Variants in EFL1 observed in about 807,000 individuals in gnomAD.
EFL1 encodes the protein elongation factor like GTPase 1, also known as elongation factor-like GTPase 1.
EFL1 carries 76 observed loss-of-function variants against 126.7 expected under a neutral mutation model. The ratio of observed to expected loss-of-function variants is 0.60; its 90% CI spans 0.50 to 0.73. EFL1 has a LOEUF of 0.73. Among genes scored for constraint, EFL1 ranks in the 30% least tolerant of loss-of-function variants. The probability of loss-of-function intolerance (pLI) is 0.00; values close to 1 mark genes in which losing one functional copy is unlikely to be tolerated. For synonymous variants in EFL1, 410 were observed against 448.4 expected (o/e 0.91, Z 1.08); for missense variants, 1,128 against 1,343.2 (o/e 0.84, Z 2.50).
chr15:82,203,937 C>T (rs1443072005), intron 15 of EFL1, among the ~76,000 whole-genome samples: 1 of 152,096 alleles, frequency 6.6e-6, no homozygotes, highest in East Asian at 1.9e-4. Flanking sequence ...ACTTAAAGCT[C>T]CTCTAAGATA....
intron 19 of EFL1, among the ~76,000 whole-genome samples, chr15:82,136,070 T>C (rs1414142414): frequency 6.6e-6 from 1 of 151,944 alleles, no homozygotes; most frequent in Admixed American, 6.6e-5. Context: ...CTAATATATC[T>C]GACAACTAAG....
chr15:82,163,374 C>T (rs750832328), intron 16 of EFL1, among the ~76,000 whole-genome samples: 9 of 152,134 alleles, frequency 5.9e-5, no homozygotes, highest in South Asian at 2.1e-4. Context: ...AACCCCGTAT[C>T]TACTAAAAAT....
intron 4 of EFL1, among the ~76,000 whole-genome samples, chr15:82,245,808 G>A (rs1387710769): frequency 4.6e-5 from 7 of 151,870 alleles, no homozygotes; most frequent in Non-Finnish European, 8.8e-5. Context: ...GGTGGCACAT[G>A]CCTGCAGTAT....
chr15:82,202,207 T>G (rs1053925312), intron 15 of EFL1, among the ~76,000 whole-genome samples: 2 of 152,232 alleles, frequency 1.3e-5, no homozygotes, highest in African/African-American at 4.8e-5. Flanking sequence ...CATATATTGC[T>G]GGACGACGTC....
chr15:82,130,863 A>C (rs28479183), intron 19 of EFL1, among the ~76,000 whole-genome samples: 13,340 of 143,146 alleles, frequency 0.093, 816 homozygotes, highest in East Asian at 0.34. Flanking sequence ...ACAACAACAA[A>C]AATTAGCTGG....
intron 15 of EFL1, among the ~76,000 whole-genome samples, chr15:82,181,816 T>G (rs1440205975): frequency 6.6e-6 from 1 of 152,178 alleles, no homozygotes; most frequent in Non-Finnish European, 1.5e-5. Flanking sequence ...TAGTTTTACT[T>G]TCTGGCATAA....
intron 16 of EFL1, 94 bp downstream of exon 16, chr15:82,163,759 T>C: frequency 7.0e-7 from 1 of 1,430,522 alleles, no homozygotes; most frequent in Non-Finnish European, 9.4e-7. Flanking sequence ...CATTATATAC[T>C]GCTGAAACAA....
At chr15:82,250,347 T>C (rs2075010242) in intron 4 of EFL1, among the ~76,000 whole-genome samples, 1 of 112,728 alleles carries the variant, frequency 8.9e-6, no homozygotes, top group African/African-American at 3.5e-5. Context: ...AGAAACATGT[T>C]TGACACTTTG....
chr15:82,145,443 A>G (rs919357014), intron 18 of EFL1, among the ~76,000 whole-genome samples: 1 of 152,056 alleles, frequency 6.6e-6, no homozygotes, highest in Non-Finnish European at 1.5e-5. Context: ...TACTCCATAA[A>G]TATACCTACT....
chr15:82,251,343 C>G (rs1244175259), intron 4 of EFL1, among the ~76,000 whole-genome samples: 2 of 152,174 alleles, frequency 1.3e-5, no homozygotes, highest in Non-Finnish European at 2.9e-5. Context: ...TCCTACAATA[C>G]TACACCAGAA....
In EFL1 at chr15:82,131,877, C is replaced by T. The variant is rs140074301; in HGVS notation, c.3175-1316G>A. 2.7e-3 allele frequency among the ~76,000 whole-genome samples: 407 copies of T among 152,050 alleles called. 2 individuals carry two copies. Among genetic ancestry groups the T allele is most frequent in the South Asian group, 0.015 (72 of 4,810 alleles). On this transcript the variant is annotated intron_variant, in intron 19 of 19. Coordinates refer to ENST00000268206, the MANE Select transcript of EFL1 (RefSeq NM_024580.6). ...TAAAAAGAGAGACTTAAAGAAATTT[C>T]CCTGAATACAGAATACGGCACAGAG...
At chr15:82,183,783 T>C (rs1331667401) in intron 15 of EFL1, among the ~76,000 whole-genome samples, 5 of 152,232 alleles carry the variant, frequency 3.3e-5, no homozygotes, top group Non-Finnish European at 7.3e-5. Context: ...TAGGGAGTTA[T>C]TGAAGCCAGC....
intron 15 of EFL1, among the ~76,000 whole-genome samples, chr15:82,174,053 G>T (rs1290101272): frequency 6.6e-6 from 1 of 152,150 alleles, no homozygotes; most frequent in East Asian, 1.9e-4. Context: ...GCCGGAGGTG[G>T]TGGCGGAAGC....
chr15:82,258,214 C>T (rs2075082858), intron 3 of EFL1, among the ~76,000 whole-genome samples: 1 of 152,104 alleles, frequency 6.6e-6, no homozygotes, highest in Non-Finnish European at 1.5e-5. Context: ...TATTCCAAGC[C>T]CTTTCAACTC....
intron 15 of EFL1, among the ~76,000 whole-genome samples, chr15:82,175,298 T>C: frequency 6.6e-6 from 1 of 152,182 alleles, no homozygotes; most frequent in East Asian, 1.9e-4. Context: ...TAGGCAAAAG[T>C]AACAATATTA....
intron 9 of EFL1, among the ~76,000 whole-genome samples, 153 bp from the exon 10 acceptor site, chr15:82,228,480 G>A (rs577998147): frequency 6.6e-6 from 1 of 152,214 alleles, no homozygotes; most frequent in African/African-American, 2.4e-5. Context: ...GCCACACAAG[G>A]GGCCTCCCCA....
rs1482143448 is a variant in EFL1 at position 82,220,187 on chromosome 15, T to C, written c.1335A>G (p.Ala445=). The part of the protein sequence containing the change: ...QEEIAQRRER[A]RQRHAEKLAA... ...CAAGCTTCTCTGCATGCCTTTGTCTTGCACGCTCACGTCTCTGAGCAATTT... is the reference window on the plus strand; with the variant it reads ...CAAGCTTCTCTGCATGCCTTTGTCTCGCACGCTCACGTCTCTGAGCAATTT... Residue 445 remains alanine (A), a synonymous_variant, in exon 13 of 20, where the codon GCA becomes GCG. Coordinates refer to ENST00000268206, the MANE Select transcript of EFL1 (RefSeq NM_024580.6). 1 of 1,612,190 alleles carries C rather than the reference T, an allele frequency of 6.2e-7. No homozygotes were observed.
At chr15:82,246,944 C>A (rs1269444032) in intron 4 of EFL1, among the ~76,000 whole-genome samples, 2 of 152,006 alleles carry the variant, frequency 1.3e-5, no homozygotes, top group Non-Finnish European at 2.9e-5. Flanking sequence ...AGAACCTAGC[C>A]CAAATGCAAG....
At chr15:82,211,990 T>C (rs1365449544) in intron 15 of EFL1, among the ~76,000 whole-genome samples, 8 of 152,332 alleles carry the variant, frequency 5.3e-5, no homozygotes, top group South Asian at 4.1e-4. Flanking sequence ...TAATCTAGTT[T>C]AGAACTTTTT....
Sources: gnomAD v4.1 joint callset for allele counts (sites outside exome capture counted in the v4.1 genomes callset) on GRCh38, gnomAD v4.1.1 for gene constraint, MANE v1.5 for transcripts, NCBI Gene and HGNC (gene_info 2026-07-23, HGNC 2026-07-21) for gene names.